ERVV-2: variants seen among roughly 807,000 people sequenced by gnomAD.
The protein encoded by ERVV-2 is endogenous retrovirus group V member 2 Env polyprotein.
For synonymous variants in ERVV-2, 105 were observed against 184.6 expected (o/e 0.57, Z 3.49); for missense variants, 291 against 495.1 (o/e 0.59, Z 3.91).
chr19:53,047,785 T>C (rs1488371749), intron 1 of ERVV-2, among the ~76,000 whole-genome samples: 1 of 152,220 alleles, frequency 6.6e-6, no homozygotes, highest in African/African-American at 2.4e-5. Flanking sequence ...CAGATCTTTA[T>C]ATCCCAGGAT....
chr19:53,050,686 A>G lies in ERVV-2; in HGVS notation c.1435A>G (p.Asn479Asp). The G allele has an allele frequency of 6.6e-7, 1 of 1,526,198 alleles. No individual in the cohort carries two copies. The highest frequency in any genetic ancestry group is 8.8e-7 in the Non-Finnish European group (1 of 1,137,954). The allele number at this position is 1,526,198 out of a possible 1,614,324, so 94.5% of individuals were successfully genotyped here. Reference sequence around the variant, plus strand: ...TTTCCTCTTTGGCCCTTGTTTCTTTAATTTACTGATTAAGTGTGTCTCTTC... The same window carrying G: ...TTTCCTCTTTGGCCCTTGTTTCTTTGATTTACTGATTAAGTGTGTCTCTTC... ...LLFLFGPCFF[N>D]LLIKCVSSRI... The change falls in exon 2 of 2, where the codon AAT becomes GAT. Residue 479 changes from asparagine to aspartate, a missense_variant. Coordinates refer to ENST00000601417, the MANE Select transcript of ERVV-2 (RefSeq NM_001191055.2).
chr19:53,048,777 C>A, intron 1 of ERVV-2, 90 bp from the exon 2 acceptor site: 1 of 234,474 alleles, frequency 4.3e-6, no homozygotes, highest in South Asian at 6.8e-5. Flanking sequence ...TTATACCAAC[C>A]AGGGTCAAAA....
In ERVV-2 at chr19:53,051,005, C is replaced by A; in HGVS notation, c.*146C>A. On this transcript the variant is annotated 3_prime_UTR_variant, in exon 2 of 2. Transcript: ENST00000601417. ...GGAAATATTAGGGTAGGCAGGTAGG[C>A]AGGCATGAGCAGGCAAGAGAGCCCT... 2 of 652,188 alleles carry A rather than the reference C, an allele frequency of 3.1e-6. No individual in the cohort carries two copies. Among genetic ancestry groups the A allele is most frequent in the Non-Finnish European group, 4.9e-6 (2 of 409,146 alleles). 40.4% of individuals were successfully genotyped at this position (652,188 alleles called of 1,614,324 possible). A position where few individuals can be genotyped will look rare whatever the true frequency, so the allele number is the denominator to read the frequency against.
Position 53,050,859 on chromosome 19 carries a change from A to G in ERVV-2, c.1608A>G (p.Ter536TrpextTer48), listed in dbSNP as rs983632088. The change falls in exon 2 of 2, where the codon TGA (stop) becomes TGG (tryptophan). Residue 536 changes from the stop codon to tryptophan (W), a stop_lost. Coordinates refer to ENST00000601417, the MANE Select transcript of ERVV-2 (RefSeq NM_001191055.2). The part of the protein sequence containing the change: ...FRETMEEFSL[*>W] ...AAACTATGGAGGAATTTTCTCTCTGAGACAGAGCAAGAGAGGGAGACCCTG... is the reference window on the plus strand; with the variant it reads ...AAACTATGGAGGAATTTTCTCTCTGGGACAGAGCAAGAGAGGGAGACCCTG... 2.0e-5 allele frequency: 31 copies of G among 1,521,322 alleles called. No individual in the cohort carries two copies. Among genetic ancestry groups the G allele is most frequent in the Non-Finnish European group, 2.6e-5 (30 of 1,141,018 alleles). The allele number at this position is 1,521,322 out of a possible 1,614,324, so 94.2% of individuals were successfully genotyped here. A position where few individuals can be genotyped will look rare whatever the true frequency, so the allele number is the denominator to read the frequency against.
Position 53,044,923 on chromosome 19 carries a change from C to CACCTGGTT in ERVV-2, c.-408_-401dup, listed in dbSNP as rs1460588074. On this transcript the variant is annotated 5_prime_UTR_variant, in exon 1 of 2. It introduces an in-frame stop codon into an upstream open reading frame of the 5' UTR. Transcript: ENST00000601417. ...CCCTCTGGGTAACATCTGGTGTTTTCACCTGGTTACCTGGTTACCTCGCCT... is the reference window on the plus strand; with the variant it reads ...CCCTCTGGGTAACATCTGGTGTTTTCACCTGGTTACCTGGTTACCTGGTTACCTCGCCT... 1 of 152,198 alleles carries CACCTGGTT rather than the reference C, an allele frequency of 6.6e-6. No homozygotes were observed. The highest frequency in any genetic ancestry group is 1.5e-5 in the Non-Finnish European group (1 of 68,054). The allele number at this position is 152,198 out of a possible 1,614,324, so 9.4% of individuals were successfully genotyped here.
Position 53,049,859 on chromosome 19 carries a change from C to T in ERVV-2, c.608C>T (p.Ala203Val). Residue 203 changes from alanine (A) to valine (V), a missense_variant, in exon 2 of 2, where the codon GCA becomes GTA. Coordinates refer to ENST00000601417, the MANE Select transcript of ERVV-2 (RefSeq NM_001191055.2). Reference sequence around the variant, plus strand: ...AGGGTTCTATATTCGCTTCCCAAGGCACACACTGTCCCCACATGGCCAAAA... The same window carrying T: ...AGGGTTCTATATTCGCTTCCCAAGGTACACACTGTCCCCACATGGCCAAAA... ...TWRVLYSLPK[A>V]HTVPTWPKST... is the part of the protein sequence containing the mutation. 1.3e-6 allele frequency: 2 copies of T among 1,535,010 alleles called. No individual in the cohort carries two copies. The highest frequency in any genetic ancestry group is 1.7e-6 in the Non-Finnish European group (2 of 1,146,654).
intron 1 of ERVV-2, among the ~76,000 whole-genome samples, chr19:53,046,197 C>T (rs2083890239): frequency 6.6e-6 from 1 of 151,922 alleles, no homozygotes; most frequent in Admixed American, 6.6e-5. Flanking sequence ...GGGAGCTGGC[C>T]ATTGCAGTGG....
chr19:53,051,136 C>CTTTTTTTTTTTTTTTTTTTTTTTTT lies in ERVV-2; in HGVS notation c.*281_*305dup, dbSNP rs57887970. ...TAACCCATCCTAGAACAGCCTTTTG[C>CTTTTTTTTTTTTTTTTTTTTTTTTT]TTTTTTTTTTTTTTTTTTTTTTTTT... On this transcript the variant is annotated 3_prime_UTR_variant, in exon 2 of 2. Transcript: ENST00000601417. The CTTTTTTTTTTTTTTTTTTTTTTTTT allele has an allele frequency of 1.0e-4, 11 of 110,012 alleles. 1 individual carries two copies. Among genetic ancestry groups the CTTTTTTTTTTTTTTTTTTTTTTTTT allele is most frequent in the African/African-American group, 5.2e-4 (11 of 21,158 alleles). The allele number at this position is 110,012 out of a possible 1,614,324, so 6.8% of individuals were successfully genotyped here.
intron 1 of ERVV-2, among the ~76,000 whole-genome samples, chr19:53,045,170 G>A (rs2083885792): frequency 1.3e-5 from 2 of 152,152 alleles, no homozygotes; most frequent in Admixed American, 6.5e-5. Flanking sequence ...CACCCTGAGG[G>A]GTGATAAGCA....
chr19:53,046,032 G>A (rs969126618), intron 1 of ERVV-2, among the ~76,000 whole-genome samples: 5 of 151,986 alleles, frequency 3.3e-5, no homozygotes, highest in Admixed American at 2.0e-4. Flanking sequence ...GAGGTTGAGG[G>A]GGGTGGATCA....
At chr19:53,047,747 C>T (rs770007475) in intron 1 of ERVV-2, among the ~76,000 whole-genome samples, 9 of 152,204 alleles carry the variant, frequency 5.9e-5, no homozygotes, top group Non-Finnish European at 1.2e-4. Context: ...CCTGCATTCT[C>T]TCTTGTCTTG....
At chr19:53,048,233 G>A (rs1441155719) in intron 1 of ERVV-2, among the ~76,000 whole-genome samples, 4 of 152,066 alleles carry the variant, frequency 2.6e-5, no homozygotes, top group African/African-American at 9.7e-5. Flanking sequence ...AATTAGCCGG[G>A]CATGGTGGCG....
intron 1 of ERVV-2, among the ~76,000 whole-genome samples, chr19:53,048,202 T>C (rs970639307): frequency 6.6e-6 from 1 of 151,918 alleles, no homozygotes; most frequent in Non-Finnish European, 1.5e-5. Context: ...TGAAACCCCA[T>C]CTCTACTAAA....
intron 1 of ERVV-2, 35 bp from the exon 2 acceptor site, chr19:53,048,832 A>G (rs2145386942): frequency 3.2e-6 from 1 of 307,992 alleles, no homozygotes; most frequent in East Asian, 9.2e-5. Flanking sequence ...CCTTATGGAA[A>G]GACCCCTTTA....
chr19:53,045,671 T>A (rs1246035096), intron 1 of ERVV-2, among the ~76,000 whole-genome samples: 1 of 152,084 alleles, frequency 6.6e-6, no homozygotes, highest in African/African-American at 2.4e-5. Context: ...GGCCGTTCAC[T>A]CCCCTGAACA....
rs1038949431 is a variant in ERVV-2, at chr19:53,048,939, C to G, written c.-313C>G. On this transcript the variant is annotated 5_prime_UTR_variant, in exon 2 of 2. Coordinates refer to ENST00000601417, the MANE Select transcript of ERVV-2 (RefSeq NM_001191055.2). ...AAACTGTGGGAAGGTCCCGAAGAAC[C>G]ACAGAAGAACAACAGAATTCAGCAC... 16 of 524,324 alleles carry G rather than the reference C, an allele frequency of 3.1e-5. No individual in the cohort carries two copies. Among genetic ancestry groups the G allele is most frequent in the Non-Finnish European group, 5.4e-5 (16 of 295,068 alleles). 32.5% of individuals were successfully genotyped at this position (524,324 alleles called of 1,614,324 possible). A position where few individuals can be genotyped will look rare whatever the true frequency, so the allele number is the denominator to read the frequency against.
rs1244759065 is a variant in ERVV-2 at position 53,051,076 on chromosome 19, G to T, written c.*217G>T. The T allele has an allele frequency of 8.2e-6, 4 of 487,196 alleles. No homozygotes were observed. The highest frequency in any genetic ancestry group is 1.4e-5 in the Non-Finnish European group (4 of 276,562). 30.2% of individuals were successfully genotyped at this position (487,196 alleles called of 1,614,324 possible). Reference sequence around the variant, plus strand: ...ACGCAGCCCACTGATAGCTTCCTTGGTGATGCTGCCCACAGACAGTCAGCA... The same window carrying T: ...ACGCAGCCCACTGATAGCTTCCTTGTTGATGCTGCCCACAGACAGTCAGCA... On this transcript the variant is annotated 3_prime_UTR_variant, in exon 2 of 2. Coordinates refer to ENST00000601417, the MANE Select transcript of ERVV-2 (RefSeq NM_001191055.2).
chr19:53,050,675 C>T lies in ERVV-2; in HGVS notation c.1424C>T (p.Pro475Leu). The T allele has an allele frequency of 6.6e-7, 1 of 1,517,096 alleles. No individual in the cohort carries two copies. The highest frequency in any genetic ancestry group is 8.9e-7 in the Non-Finnish European group (1 of 1,129,850). The allele number at this position is 1,517,096 out of a possible 1,614,324, so 94.0% of individuals were successfully genotyped here. Residue 475 changes from proline to leucine, a missense_variant, in exon 2 of 2, where the codon CCT (proline) becomes CTT (leucine). Physicochemically the swap from Pro to Leu is moderately conservative, Grantham distance 98. Coordinates refer to ENST00000601417, the MANE Select transcript of ERVV-2 (RefSeq NM_001191055.2). ...TVILLLFLFG[P>L]CFFNLLIKCV... ...ATACTCTTACTTTTCCTCTTTGGCC[C>T]TTGTTTCTTTAATTTACTGATTAAG...
chr19:53,049,084 G>A lies in ERVV-2; in HGVS notation c.-168G>A, dbSNP rs1033940148. 1.8e-5 allele frequency: 13 copies of A among 737,336 alleles called. No individual in the cohort carries two copies. In the East Asian group the frequency reaches 3.5e-4, roughly 20 times the overall value. 45.7% of individuals were successfully genotyped at this position (737,336 alleles called of 1,614,324 possible). A position where few individuals can be genotyped will look rare whatever the true frequency, so the allele number is the denominator to read the frequency against. Reference sequence around the variant, plus strand: ...AATCTCAGTACGGGGAATCTTGGTTGCGGTGGCATTGGTTCTTCTCCTTAT... The same window carrying A: ...AATCTCAGTACGGGGAATCTTGGTTACGGTGGCATTGGTTCTTCTCCTTAT... On this transcript the variant is annotated 5_prime_UTR_variant, in exon 2 of 2. Transcript: ENST00000601417.
Sources: allele counts gnomAD v4.1 joint callset (sites outside exome capture counted in the v4.1 genomes callset), GRCh38; gene constraint gnomAD v4.1.1; transcripts MANE v1.5; gene names NCBI Gene and HGNC (gene_info 2026-07-23, HGNC 2026-07-21).